KCNB2: variants seen among roughly 807,000 people sequenced by gnomAD.
KCNB2 encodes delayed rectifier potassium channel protein.
KCNB2 carries 15 observed loss-of-function variants against 61.5 expected under a neutral mutation model. The ratio of observed to expected loss-of-function variants is 0.24; its 90% confidence interval spans 0.16 to 0.38. The LOEUF (loss-of-function observed/expected upper bound fraction) is 0.38, where lower values mean the gene tolerates loss of function less well. Ranked by LOEUF, KCNB2 falls within the 10% of genes least tolerant of loss-of-function variation. The pLI, the probability that KCNB2 is intolerant of heterozygous loss-of-function variation, is 1.00. For synonymous variants in KCNB2, 457 were observed against 446.0 expected (o/e 1.02, Z -0.31); for missense variants, 828 against 1,125.2 (o/e 0.74, Z 3.78).
At chr8:72,806,503 T>C (rs1421495184) in intron 2 of KCNB2, among the ~76,000 whole-genome samples, 1 of 151,788 alleles carries the variant, frequency 6.6e-6, no homozygotes. Flanking sequence ...AGGTACCAGC[T>C]ACTCAGGAGG....
At chr8:72,769,527 C>G (rs1422053578) in intron 2 of KCNB2, among the ~76,000 whole-genome samples, 1 of 152,088 alleles carries the variant, frequency 6.6e-6, no homozygotes, top group South Asian at 2.1e-4. Context: ...TTGAGCTCAG[C>G]TTGGAAGGTG....
intron 2 of KCNB2, among the ~76,000 whole-genome samples, chr8:72,731,463 T>A (rs1807736812): frequency 6.6e-6 from 1 of 152,242 alleles, no homozygotes; most frequent in Non-Finnish European, 1.5e-5. Flanking sequence ...AGTTTGCCCA[T>A]TAACCAAGTG....
At position 72,937,640 on chromosome 8, in the gene KCNB2, C is replaced by G. The variant is rs1218454691; in HGVS notation, c.2285C>G (p.Ser762Cys). ...ISTILLEETP[S>C]QGDRPLLGTE... Reference sequence around the variant, plus strand: ...ACCATCCTCTTAGAAGAAACCCCCTCCCAGGGAGACAGACCCTTGCTGGGC... The same window carrying G: ...ACCATCCTCTTAGAAGAAACCCCCTGCCAGGGAGACAGACCCTTGCTGGGC... The change falls in exon 3 of 3, where the codon TCC (serine) becomes TGC (cysteine). Residue 762 changes from serine to cysteine, a missense_variant. By Grantham distance (112) the Ser-to-Cys change is moderately radical. Transcript: ENST00000523207. The G allele has an allele frequency of 6.2e-7, 1 of 1,614,106 alleles. No individual in the cohort carries two copies. The highest frequency in any genetic ancestry group is 1.1e-5 in the South Asian group (1 of 91,080).
chr8:72,926,113 G>T (rs1032775860), intron 2 of KCNB2, among the ~76,000 whole-genome samples: 6 of 152,178 alleles, frequency 3.9e-5, no homozygotes, highest in Admixed American at 1.3e-4. Context: ...GGTTGGGGGA[G>T]GGAGAGCATC....
At chr8:72,931,163 G>A (rs1449732920) in intron 2 of KCNB2, among the ~76,000 whole-genome samples, 1 of 152,152 alleles carries the variant, frequency 6.6e-6, no homozygotes, top group Admixed American at 6.5e-5. Flanking sequence ...CTATATCTCT[G>A]TTTTGGTACC....
At chr8:72,768,290 C>T (rs1396162258) in intron 2 of KCNB2, among the ~76,000 whole-genome samples, 2 of 152,140 alleles carry the variant, frequency 1.3e-5, no homozygotes, top group South Asian at 2.1e-4. Context: ...AATCCTGCCT[C>T]ACCCTCCTGA....
intron 2 of KCNB2, among the ~76,000 whole-genome samples, chr8:72,632,330 G>A (rs1255884987): frequency 2.6e-5 from 4 of 152,130 alleles, no homozygotes; most frequent in African/African-American, 7.2e-5. Flanking sequence ...CCAAATCTCA[G>A]TGTTGTCAAT....
chr8:72,698,700 A>G (rs1448879134), intron 2 of KCNB2, among the ~76,000 whole-genome samples: 1 of 152,182 alleles, frequency 6.6e-6, no homozygotes, highest in Non-Finnish European at 1.5e-5. Context: ...AGAACTCAGA[A>G]ATAAAGCTGC....
intron 2 of KCNB2, among the ~76,000 whole-genome samples, chr8:72,910,357 C>T (rs1396324671): frequency 6.6e-6 from 1 of 151,944 alleles, no homozygotes; most frequent in African/African-American, 2.4e-5. Context: ...ACCACCAATG[C>T]ATAGAACCAT....
At chr8:72,926,892 C>G (rs890483769) in intron 2 of KCNB2, among the ~76,000 whole-genome samples, 1 of 152,210 alleles carries the variant, frequency 6.6e-6, no homozygotes, top group African/African-American at 2.4e-5. Flanking sequence ...AGTCAGTAAT[C>G]TTTGTGAAAT....
chr8:72,646,277 C>G (rs771042271), intron 2 of KCNB2, among the ~76,000 whole-genome samples: 3 of 151,884 alleles, frequency 2.0e-5, no homozygotes, highest in Non-Finnish European at 4.4e-5. Flanking sequence ...TGCATTTTTA[C>G]TTACTGATAT....
intron 1 of KCNB2, among the ~76,000 whole-genome samples, chr8:72,556,123 C>T (rs1336779115): frequency 1.3e-5 from 2 of 152,222 alleles, no homozygotes; most frequent in Non-Finnish European, 2.9e-5. Context: ...GTTGGTCCAT[C>T]TGTGGGTCCC....
At chr8:72,729,665 C>G (rs1184829248) in intron 2 of KCNB2, among the ~76,000 whole-genome samples, 1 of 152,158 alleles carries the variant, frequency 6.6e-6, no homozygotes, top group Admixed American at 6.5e-5. Flanking sequence ...GGGTGGATCA[C>G]CTGAGGTCAG....
At chr8:72,767,790 A>T (rs1437309573) in intron 2 of KCNB2, among the ~76,000 whole-genome samples, 1 of 152,226 alleles carries the variant, frequency 6.6e-6, no homozygotes, top group Non-Finnish European at 1.5e-5. Flanking sequence ...AGGAACTGAC[A>T]AATTGTTTTC....
intron 2 of KCNB2, among the ~76,000 whole-genome samples, chr8:72,854,483 A>G (rs1329195058): frequency 1.3e-5 from 2 of 152,186 alleles, no homozygotes; most frequent in African/African-American, 4.8e-5. Context: ...TCACTTAACA[A>G]ATGTTTACCA....
intron 2 of KCNB2, among the ~76,000 whole-genome samples, chr8:72,812,873 T>C (rs1370778473): frequency 6.6e-6 from 1 of 152,196 alleles, no homozygotes; most frequent in Non-Finnish European, 1.5e-5. Context: ...TTTTCAGCTT[T>C]TGGTATCAAT....
At chr8:72,802,123 C>T (rs2128999730) in intron 2 of KCNB2, among the ~76,000 whole-genome samples, 1 of 152,266 alleles carries the variant, frequency 6.6e-6, no homozygotes, top group Non-Finnish European at 1.5e-5. Flanking sequence ...TGCTTCTTTT[C>T]AATTGTTACG....
intron 2 of KCNB2, among the ~76,000 whole-genome samples, chr8:72,645,543 C>T (rs1806116625): frequency 6.6e-6 from 1 of 152,110 alleles, no homozygotes; most frequent in East Asian, 1.9e-4. Context: ...CTTTTATTCA[C>T]TTGGCTTAGC....
chr8:72,727,315 A>G (rs561736164), intron 2 of KCNB2, among the ~76,000 whole-genome samples: 4 of 152,306 alleles, frequency 2.6e-5, no homozygotes, highest in Non-Finnish European at 5.9e-5. Flanking sequence ...TTAGCAATAA[A>G]ACTGAAAACT....
Sources: allele counts gnomAD v4.1 joint callset (sites outside exome capture counted in the v4.1 genomes callset), GRCh38; gene constraint gnomAD v4.1.1; transcripts MANE v1.5; gene names NCBI Gene and HGNC (gene_info 2026-07-23, HGNC 2026-07-21).